The following RPS6KA1 variants were observed in gnomAD, a reference collection of about 807,000 sequenced individuals.
RPS6KA1 encodes the protein ribosomal protein S6 kinase A1, also known as ribosomal protein S6 kinase alpha-1.
RPS6KA1 carries 48 observed loss-of-function variants against 91.3 expected under a neutral mutation model. The observed-to-expected ratio is 0.53, with a 90% CI of 0.42 to 0.67. The LOEUF (loss-of-function observed/expected upper bound fraction) is 0.67. Ranked by LOEUF, RPS6KA1 falls within the 30% of genes least tolerant of loss-of-function variation. The probability of loss-of-function intolerance (pLI) is 0.00; values close to 1 mark genes in which losing one functional copy is unlikely to be tolerated. For missense variants in RPS6KA1, 719 were observed against 960.5 expected, an observed-to-expected ratio of 0.75 and a Z score of 3.32; for synonymous variants, 359 against 384.7, an observed-to-expected ratio of 0.93 and a Z score of 0.78.
chr1:26,568,975 C>G (rs1415616135), intron 17 of RPS6KA1, among the ~76,000 whole-genome samples: 2 of 152,030 alleles, frequency 1.3e-5, no homozygotes, highest in African/African-American at 4.8e-5. Flanking sequence ...GTGGGAAGAT[C>G]ACTTGAGGCC....
In RPS6KA1 at chr1:26,558,404, C is replaced by A. The variant is rs780620924; in HGVS notation, c.1085-403C>A. Among the ~76,000 whole-genome samples the A allele has an allele frequency of 6.6e-6, 1 of 152,156 alleles. No homozygotes were observed. The highest frequency in any genetic ancestry group is 1.5e-5 in the Non-Finnish European group (1 of 68,032). On this transcript the variant is annotated intron_variant, in intron 13 of 21. Transcript: ENST00000374168. The surrounding 1 kb of genome is among the most constrained non-coding windows in gnomAD (Gnocchi z 4.0). ...TCAATTGCCAGACTCAGGAGCTGGA[C>A]TTACTCCTGAAGGCAGACGGGAACC...
At position 26,547,361 on chromosome 1, in the gene RPS6KA1, G is replaced by C; in HGVS notation, c.307+91G>C. 9.7e-7 allele frequency: 1 copy of C among 1,029,878 alleles called. No homozygotes were observed. The highest frequency in any genetic ancestry group is 1.5e-6 in the Non-Finnish European group (1 of 677,704). 63.8% of individuals were successfully genotyped at this position (1,029,878 alleles called of 1,614,324 possible). A position where few individuals can be genotyped will look rare whatever the true frequency, so the allele number is the denominator to read the frequency against. On this transcript the variant is annotated intron_variant, in intron 4 of 21. Transcript: ENST00000374168. This position sits in a 1 kb window ranked among gnomAD's most constrained non-coding sequence, Gnocchi z 4.1. ...GGCCTTGGGTCTGGCAAGGGAGACA[G>C]CTCTGTCTTCAGGAGCACCTAGTTC...
At chr1:26,568,133 C>T (rs959467249) in intron 17 of RPS6KA1, among the ~76,000 whole-genome samples, 3 of 152,296 alleles carry the variant, frequency 2.0e-5, no homozygotes, top group South Asian at 2.1e-4. Context: ...ACACTGGGTC[C>T]GAGTTGCTAT....
chr1:26,563,374 C>T (rs1353886833), intron 17 of RPS6KA1, among the ~76,000 whole-genome samples: 5 of 151,868 alleles, frequency 3.3e-5, no homozygotes, highest in East Asian at 3.9e-4. Context: ...ACCACAGGCA[C>T]GCACCACCAC....
chr1:26,538,823 C>T (rs936989812), intron 2 of RPS6KA1, among the ~76,000 whole-genome samples: 1 of 152,172 alleles, frequency 6.6e-6, no homozygotes, highest in African/African-American at 2.4e-5. Context: ...CCTGCTCATC[C>T]ATCTGTTGTC....
chr1:26,555,694 C>G lies in RPS6KA1; in HGVS notation c.916+69C>G. On this transcript the variant is annotated intron_variant, in intron 11 of 21. Transcript: ENST00000374168. This position sits in a 1 kb window ranked among gnomAD's most constrained non-coding sequence, Gnocchi z 4.3. ...CCGGGTACAGCTGCAGCCTAGGCCA[C>G]AGGGCCACATCTGGGCTGAAAGGGG... is the stretch of plus-strand genomic sequence containing the variant. The G allele has an allele frequency of 7.0e-7, 1 of 1,437,750 alleles. No individual in the cohort carries two copies. Among genetic ancestry groups the G allele is most frequent in the South Asian group, 1.2e-5 (1 of 82,040 alleles). The allele number at this position is 1,437,750 out of a possible 1,614,324, so 89.1% of individuals were successfully genotyped here. A position where few individuals can be genotyped will look rare whatever the true frequency, so the allele number is the denominator to read the frequency against.
chr1:26,563,388 T>C (rs2124659435), intron 17 of RPS6KA1, among the ~76,000 whole-genome samples: 1 of 151,836 alleles, frequency 6.6e-6, no homozygotes, highest in East Asian at 2.0e-4. Flanking sequence ...CCACCACACC[T>C]GGCTAATTTT....
At position 26,551,872 on chromosome 1, in the gene RPS6KA1, C is replaced by T. The variant is rs2076053815; in HGVS notation, c.468+149C>T. 1.9e-5 allele frequency: 13 copies of T among 682,874 alleles called. No homozygotes were observed. Among genetic ancestry groups the T allele is most frequent in the Admixed American group, 4.9e-5 (2 of 40,728 alleles). The allele number at this position is 682,874 out of a possible 1,614,324, so 42.3% of individuals were successfully genotyped here. A position where few individuals can be genotyped will look rare whatever the true frequency, so the allele number is the denominator to read the frequency against. ...CTAGCAGCCCCTGGCCCAGGAAATA[C>T]CACGCACCCTGGAATGGAGGCCATA... On this transcript the variant is annotated intron_variant, in intron 6 of 21. Coordinates refer to ENST00000374168, the MANE Select transcript of RPS6KA1 (RefSeq NM_002953.4). The surrounding 1 kb of genome is among the most constrained non-coding windows in gnomAD (Gnocchi z 4.5).
chr1:26,570,909 G>A (rs1051296892), intron 17 of RPS6KA1, among the ~76,000 whole-genome samples: 1 of 152,202 alleles, frequency 6.6e-6, no homozygotes, highest in African/African-American at 2.4e-5. Flanking sequence ...GATCACTTGA[G>A]GTCAGGAGTT....
intron 17 of RPS6KA1, among the ~76,000 whole-genome samples, chr1:26,562,825 C>CTTTTTTTTTTTTTTTTTTT (rs748764001): frequency 2.5e-5 from 2 of 81,444 alleles, no homozygotes; most frequent in African/African-American, 1.0e-4. Flanking sequence ...TCCTATTGTC[C>CTTTTTTTTTTTTTTTTTTT]TTTTTTTTTT....
rs1443726589 is a variant in RPS6KA1 at position 26,540,876 on chromosome 1, C to T, written c.108+3907C>T. ...CACGATCTTGGCTCACCACAACCTC[C>T]GCCTCCTAGGTTCAAGCGATTCTCC... On this transcript the variant is annotated intron_variant, in intron 2 of 21. Transcript: ENST00000374168. This position sits in a 1 kb window ranked among gnomAD's most constrained non-coding sequence, Gnocchi z 4.2. Among the ~76,000 whole-genome samples the T allele has an allele frequency of 2.6e-5, 4 of 152,188 alleles. No individual in the cohort carries two copies. Among genetic ancestry groups the T allele is most frequent in the Non-Finnish European group, 5.9e-5 (4 of 68,024 alleles).
intron 1 of RPS6KA1, chr1:26,530,839 G>A: frequency 7.8e-7 from 1 of 1,287,978 alleles, no homozygotes; most frequent in South Asian, 1.2e-5. Context: ...CCAGGGTCAA[G>A]GTCAAGCCCC....
In RPS6KA1 at chr1:26,571,829, C is replaced by T. The variant is rs372278055; in HGVS notation, c.1753-20C>T. The T allele has an allele frequency of 1.1e-5, 18 of 1,604,862 alleles. No homozygotes were observed. The highest frequency in any genetic ancestry group is 1.5e-5 in the Non-Finnish European group (18 of 1,178,504). ...TCTACTGCCCCCCCAGACTGACCAC[C>T]TCCCCTGCCCTGTTGCCAGGTGCTG... On this transcript the variant is annotated intron_variant, in intron 18 of 21. Coordinates refer to ENST00000374168, the MANE Select transcript of RPS6KA1 (RefSeq NM_002953.4). This position sits in a 1 kb window ranked among gnomAD's most constrained non-coding sequence, Gnocchi z 5.1.
chr1:26,559,145 G>C (rs1220124922), intron 14 of RPS6KA1, among the ~76,000 whole-genome samples: 1 of 152,184 alleles, frequency 6.6e-6, no homozygotes, highest in Non-Finnish European at 1.5e-5. Context: ...TCCCAGCACA[G>C]AGCCAGGGTC....
intron 1 of RPS6KA1, chr1:26,531,006 G>T: frequency 1.1e-6 from 1 of 881,616 alleles, no homozygotes; most frequent in Non-Finnish European, 1.5e-6. Flanking sequence ...CTTGGGCCTG[G>T]AGCCCCTGTC....
Position 26,543,307 on chromosome 1 carries a change from G to A in RPS6KA1, c.109-3560G>A. On this transcript the variant is annotated intron_variant, in intron 2 of 21. Coordinates refer to ENST00000374168, the MANE Select transcript of RPS6KA1 (RefSeq NM_002953.4). ...GTTTGGGGGTGGCTCTGTCCCTTGG[G>A]ATTTCTGGGTGGTTTCCTGTCTCTG... 4.8e-6 allele frequency: 5 copies of A among 1,040,240 alleles called. No homozygotes were observed. The Middle Eastern group carries it at 8.0e-4, about 166-fold the overall frequency. 64.4% of individuals were successfully genotyped at this position (1,040,240 alleles called of 1,614,324 possible). A position where few individuals can be genotyped will look rare whatever the true frequency, so the allele number is the denominator to read the frequency against.
intron 17 of RPS6KA1, among the ~76,000 whole-genome samples, chr1:26,565,063 C>G (rs981495018): frequency 1.3e-5 from 2 of 152,180 alleles, no homozygotes; most frequent in African/African-American, 4.8e-5. Context: ...TAGATAACCA[C>G]TTGGTGAGGA....
Position 26,558,929 on chromosome 1 carries a change from G to C in RPS6KA1, c.1207G>C (p.Val403Leu). 1 of 1,611,618 alleles carries C rather than the reference G, an allele frequency of 6.2e-7. No individual in the cohort carries two copies. The highest frequency in any genetic ancestry group is 8.5e-7 in the Non-Finnish European group (1 of 1,178,068). Residue 403 changes from valine to leucine, a missense_variant, in exon 14 of 22, where the codon GTG becomes CTG. By Grantham distance (32) the Val-to-Leu change is conservative. Transcript: ENST00000374168. The surrounding 1 kb of genome is among the most constrained non-coding windows in gnomAD (Gnocchi z 4.0). Reference sequence around the variant, plus strand: ...TGCCCCGCAGGCACCCCTGCACTCGGTGGTACAGGTGAGGGGGGCAGGGGG... The same window carrying C: ...TGCCCCGCAGGCACCCCTGCACTCGCTGGTACAGGTGAGGGGGGCAGGGGG... ...PRAPQAPLHS[V>L]VQQLHGKNLV... is the part of the protein sequence containing the mutation.
chr1:26,549,416 C>CA (rs942695711), intron 4 of RPS6KA1, among the ~76,000 whole-genome samples: 9 of 151,220 alleles, frequency 6.0e-5, no homozygotes, highest in East Asian at 3.9e-4. Flanking sequence ...ACTAAAAATA[C>CA]AAAAAAAATG....
Sources: allele counts gnomAD v4.1 joint callset (sites outside exome capture counted in the v4.1 genomes callset), GRCh38; gene constraint gnomAD v4.1.1; non-coding constraint Gnocchi (gnomAD v3.1); transcripts MANE v1.5; gene names NCBI Gene and HGNC (gene_info 2026-07-23, HGNC 2026-07-21).